VMP1: variants seen among roughly 807,000 people sequenced by gnomAD.
VMP1 encodes vacuole membrane protein 1.
VMP1 carries 11 observed loss-of-function variants against 56.0 expected under a neutral mutation model. The ratio of observed to expected loss-of-function variants is 0.20; its 90% CI spans 0.12 to 0.32. The LOEUF is 0.32. Among genes scored for constraint, VMP1 ranks in the 10% least tolerant of loss-of-function variants. The pLI, the probability that VMP1 is intolerant of heterozygous loss-of-function variation, is 1.00. For missense variants in VMP1, 296 were observed against 490.3 expected (o/e 0.60, Z 3.74); for synonymous variants, 149 against 165.0 (o/e 0.90, Z 0.74).
At chr17:59,732,939 G>A (rs767576160) in intron 2 of VMP1, among the ~76,000 whole-genome samples, 7 of 152,160 alleles carry the variant, frequency 4.6e-5, no homozygotes, top group Admixed American at 3.3e-4. Context: ...AGGCCAAGGC[G>A]GAAGGATCTC....
intron 10 of VMP1, among the ~76,000 whole-genome samples, chr17:59,829,237 T>C (rs2038738461): frequency 6.6e-6 from 1 of 152,186 alleles, no homozygotes; most frequent in Admixed American, 6.5e-5. Context: ...AGGTTAAATA[T>C]GTGTTTATTT....
chr17:59,828,193 G>C (rs941671097), intron 10 of VMP1, among the ~76,000 whole-genome samples: 6 of 152,134 alleles, frequency 3.9e-5, no homozygotes, highest in African/African-American at 1.4e-4. Context: ...TTCTCCTGCT[G>C]CTCAAGTCTG....
intron 6 of VMP1, among the ~76,000 whole-genome samples, chr17:59,767,337 T>C (rs572188359): frequency 2.2e-4 from 34 of 152,210 alleles, no homozygotes; most frequent in African/African-American, 7.9e-4. Flanking sequence ...ATAAAGGAAA[T>C]ACCATCATGT....
intron 7 of VMP1, among the ~76,000 whole-genome samples, chr17:59,775,691 T>C (rs972866011): frequency 6.6e-6 from 1 of 152,160 alleles, no homozygotes; most frequent in Non-Finnish European, 1.5e-5. Flanking sequence ...TTTGCCTCAG[T>C]CAGATTAATG....
At position 59,729,499 on chromosome 17, in the gene VMP1, C is replaced by G. The variant is rs987341443; in HGVS notation, c.-26-1922C>G. Among the ~76,000 whole-genome samples the G allele has an allele frequency of 2.0e-5, 3 of 150,382 alleles. No individual in the cohort carries two copies. In the Admixed American group the frequency reaches 2.0e-4, roughly 10 times the overall value. ...ATCTCAAAAAAAAAAAAAAAAAAAC[C>G]TTTGGTCTGTTAACAGTGTCACTAT... is the stretch of plus-strand genomic sequence containing the variant. On this transcript the variant is annotated intron_variant, in intron 1 of 11. Coordinates refer to ENST00000262291, the MANE Select transcript of VMP1 (RefSeq NM_030938.5).
rs114687058 is a variant in VMP1, at chr17:59,708,500, C to A, written c.-27+752C>A. On this transcript the variant is annotated intron_variant, in intron 1 of 11. Coordinates refer to ENST00000262291, the MANE Select transcript of VMP1 (RefSeq NM_030938.5). ...ATTTTACACAATCATCTTTTATTTA[C>A]CTGCAACTCCATGTAAAAATCTAAT... Among the ~76,000 whole-genome samples the A allele has an allele frequency of 8.9e-3, 1,358 of 152,256 alleles. 15 individuals carry two copies. Among genetic ancestry groups the A allele is most frequent in the African/African-American group, 0.03 (1,229 of 41,532 alleles).
intron 5 of VMP1, among the ~76,000 whole-genome samples, chr17:59,746,637 T>A (rs1211015346): frequency 6.6e-6 from 1 of 152,162 alleles, no homozygotes. Context: ...GTAAATCGAT[T>A]TGAGTAAAGT....
At chr17:59,746,965 T>C (rs1273789308) in intron 5 of VMP1, among the ~76,000 whole-genome samples, 2 of 152,232 alleles carry the variant, frequency 1.3e-5, no homozygotes, top group Non-Finnish European at 2.9e-5. Context: ...CTCCAAAGAC[T>C]GTGAAATGTT....
At chr17:59,821,289 T>C (rs1192388630) in intron 10 of VMP1, among the ~76,000 whole-genome samples, 1 of 151,910 alleles carries the variant, frequency 6.6e-6, no homozygotes, top group Non-Finnish European at 1.5e-5. Context: ...TCTTTCAAAG[T>C]CAGTAATTTA....
At chr17:59,711,376 G>T (rs1438332172) in intron 1 of VMP1, among the ~76,000 whole-genome samples, 2 of 151,266 alleles carry the variant, frequency 1.3e-5, no homozygotes, top group African/African-American at 2.4e-5. Context: ...TCCTGTTTTT[G>T]CCCAAGTGCC....
rs187859092 is a variant in VMP1, at chr17:59,824,444, G to A, written c.974+6671G>A. ...AAAAATTAGCCGGGCGTGGGGGTGG[G>A]CGTCTATAATCCCAGCTACTCGGGA... On this transcript the variant is annotated intron_variant, in intron 10 of 11. Coordinates refer to ENST00000262291, the MANE Select transcript of VMP1 (RefSeq NM_030938.5). 2.7e-3 allele frequency among the ~76,000 whole-genome samples: 400 copies of A among 150,538 alleles called. 1 individual carries two copies. Among genetic ancestry groups the A allele is most frequent in the Non-Finnish European group, 4.4e-3 (297 of 67,720 alleles).
intron 10 of VMP1, among the ~76,000 whole-genome samples, chr17:59,834,843 TG>T (rs2038929056): frequency 6.6e-6 from 1 of 151,058 alleles, no homozygotes; most frequent in Non-Finnish European, 1.5e-5. Flanking sequence ...AGGCTGGTCT[TG>T]AACTCCTGAC....
At chr17:59,726,979 G>T (rs980986860) in intron 1 of VMP1, among the ~76,000 whole-genome samples, 32 of 152,158 alleles carry the variant, frequency 2.1e-4, no homozygotes, top group African/African-American at 7.7e-4. Flanking sequence ...TTGAGGTCAC[G>T]TGAAAGGTGA....
chr17:59,824,423 A>C (rs2038566492), intron 10 of VMP1, among the ~76,000 whole-genome samples: 1 of 147,890 alleles, frequency 6.8e-6, no homozygotes, highest in Admixed American at 6.8e-5. Flanking sequence ...AATACAAAAA[A>C]TTAGCCGGGC....
At chr17:59,781,941 C>A (rs1361372581) in intron 7 of VMP1, among the ~76,000 whole-genome samples, 1 of 152,114 alleles carries the variant, frequency 6.6e-6, no homozygotes, top group East Asian at 1.9e-4. Context: ...CAGAGTCTCG[C>A]TCTGTCGCCT....
chr17:59,731,478 G>C lies in VMP1; in HGVS notation c.32G>C (p.Arg11Thr). The change falls in exon 2 of 12, where the codon AGA becomes ACA. Residue 11 changes from arginine to threonine, a missense_variant. This residue lies in a region of VMP1 where 69 missense variants were observed against 76.6 expected (regional missense o/e 0.90). Transcript: ENST00000262291. ...GAGAATGGAAAAAATTGTGACCAGA[G>C]ACGTGTAGCAATGAACAAGGAACAT... MAENGKNCDQRRVAMNKEHHN... is the reference protein window; with the variant it reads MAENGKNCDQTRVAMNKEHHN... The C allele has an allele frequency of 3.1e-6, 5 of 1,594,212 alleles. No individual in the cohort carries two copies. The highest frequency in any genetic ancestry group is 4.3e-6 in the Non-Finnish European group (5 of 1,173,206).
At chr17:59,711,532 G>C (rs1322719148) in intron 1 of VMP1, among the ~76,000 whole-genome samples, 2 of 152,204 alleles carry the variant, frequency 1.3e-5, no homozygotes, top group African/African-American at 2.4e-5. Context: ...TTGAGGAATA[G>C]TAAATTGCTA....
Position 59,818,224 on chromosome 17 carries a change from G to A in VMP1, c.974+451G>A, listed in dbSNP as rs376032106. Reference sequence around the variant, plus strand: ...TTAGTATTTTATATAAAACCTAGCCGGCCGTGGTGGCGGGCACCTATAGTC... The same window carrying A: ...TTAGTATTTTATATAAAACCTAGCCAGCCGTGGTGGCGGGCACCTATAGTC... On this transcript the variant is annotated intron_variant, in intron 10 of 11. Transcript: ENST00000262291. Among the ~76,000 whole-genome samples, 26 of 152,034 alleles carry A rather than the reference G, an allele frequency of 1.7e-4. No individual in the cohort carries two copies. In the South Asian group the frequency reaches 2.9e-3, roughly 17 times the overall value.
intron 1 of VMP1, chr17:59,729,674 T>A (rs1170159630): frequency 1.3e-5 from 2 of 148,538 alleles, no homozygotes; most frequent in African/African-American, 4.9e-5. Flanking sequence ...TATTATTATC[T>A]TTTTTTTGTT....
Sources: gnomAD v4.1 joint callset for allele counts (sites outside exome capture counted in the v4.1 genomes callset) on GRCh38, gnomAD v4.1.1 for gene constraint, gnomAD v4.1.1 regional missense constraint, MANE v1.5 for transcripts, NCBI Gene and HGNC (gene_info 2026-07-23, HGNC 2026-07-21) for gene names.